Variants in ALK observed in about 807,000 individuals in gnomAD.
ALK encodes the protein ALK receptor tyrosine kinase.
A neutral mutation model predicts 163.1 loss-of-function variants in ALK; 74 were observed. The observed-to-expected ratio is 0.45, with a 90% CI of 0.38 to 0.55. ALK has a LOEUF of 0.55. Among genes scored for constraint, ALK ranks in the 20% least tolerant of loss-of-function variants. The pLI is 0.00. For synonymous variants in ALK, 960 were observed against 843.2 expected (o/e 1.14, Z -2.40); for missense variants, 2,063 against 2,105.3 (o/e 0.98, Z 0.39).
At chr2:29,464,160 C>T (rs1671151235) in intron 4 of ALK, among the ~76,000 whole-genome samples, 4 of 151,954 alleles carry the variant, frequency 2.6e-5, no homozygotes, top group Non-Finnish European at 2.9e-5. Flanking sequence ...TAGTATCTAA[C>T]CAAAAGTTAC....
intron 4 of ALK, among the ~76,000 whole-genome samples, chr2:29,421,326 C>T (rs773554650): frequency 2.0e-5 from 3 of 151,246 alleles, no homozygotes; most frequent in Non-Finnish European, 4.4e-5. Context: ...CTTGAGAGAT[C>T]GGGGTAGAAA....
At chr2:29,320,915 C>T in intron 6 of ALK, 33 bp from the exon 7 acceptor site, 1 of 1,614,030 alleles carries the variant, frequency 6.2e-7, no homozygotes, top group Non-Finnish European at 8.5e-7. Flanking sequence ...CCATCATTTT[C>T]AGGACCACTA....
chr2:29,858,938 C>T (rs532237085), intron 1 of ALK, among the ~76,000 whole-genome samples: 3 of 152,068 alleles, frequency 2.0e-5, no homozygotes, highest in Non-Finnish European at 2.9e-5. Context: ...GAGGCTGAGG[C>T]AGGAGAATTG....
chr2:29,455,035 T>G (rs1670915791), intron 4 of ALK, among the ~76,000 whole-genome samples: 1 of 152,166 alleles, frequency 6.6e-6, no homozygotes, highest in South Asian at 2.1e-4. Context: ...TAGCTCTCTC[T>G]CATTCCGAGC....
At chr2:29,467,306 A>G (rs1671237126) in intron 4 of ALK, among the ~76,000 whole-genome samples, 1 of 151,848 alleles carries the variant, frequency 6.6e-6, no homozygotes, top group Admixed American at 6.6e-5. Flanking sequence ...TTACTAATTT[A>G]TTGTTTAATT....
intron 3 of ALK, among the ~76,000 whole-genome samples, chr2:29,643,110 A>G (rs982438657): frequency 1.3e-5 from 2 of 152,148 alleles, no homozygotes; most frequent in African/African-American, 4.8e-5. Context: ...ATAAAATGGT[A>G]TGGGGGAAAG....
chr2:29,813,214 C>T (rs997769591), intron 1 of ALK, among the ~76,000 whole-genome samples: 14 of 152,286 alleles, frequency 9.2e-5, no homozygotes, highest in Middle Eastern at 3.4e-3. Context: ...GCCAGTATTT[C>T]CTGAGCCCAT....
intron 4 of ALK, among the ~76,000 whole-genome samples, chr2:29,434,399 G>A (rs1004209575): frequency 2.0e-4 from 31 of 152,132 alleles, no homozygotes; most frequent in South Asian, 6.2e-4. Context: ...TGTCTCCTGG[G>A]AATATCAAAT....
chr2:29,822,806 A>G (rs1057006791), intron 1 of ALK, among the ~76,000 whole-genome samples: 1 of 152,218 alleles, frequency 6.6e-6, no homozygotes, highest in African/African-American at 2.4e-5. Context: ...GCAACGAATC[A>G]CTGGACTTCT....
intron 3 of ALK, among the ~76,000 whole-genome samples, chr2:29,674,964 A>AGGT (rs1677829147): frequency 6.8e-6 from 1 of 146,084 alleles, no homozygotes; most frequent in South Asian, 2.2e-4. Context: ...ATTTGCATAG[A>AGGT]GGTGTTTGTA....
At chr2:29,706,041 C>A (rs966258788) in intron 2 of ALK, among the ~76,000 whole-genome samples, 9 of 152,312 alleles carry the variant, frequency 5.9e-5, no homozygotes, top group Admixed American at 2.0e-4. Context: ...AGACCTCCAG[C>A]GAGATGATCT....
chr2:29,825,713 G>T (rs1450325889), intron 1 of ALK, among the ~76,000 whole-genome samples: 10 of 115,874 alleles, frequency 8.6e-5, no homozygotes, highest in African/African-American at 1.8e-4. Flanking sequence ...CATTTTGTGT[G>T]TTTTTTTTTT....
intron 5 of ALK, among the ~76,000 whole-genome samples, chr2:29,343,387 A>AG (rs1335760493): frequency 6.6e-6 from 1 of 150,898 alleles, no homozygotes; most frequent in Non-Finnish European, 1.5e-5. Context: ...TAAAAAAAAA[A>AG]AAAAAAATTT....
chr2:29,432,916 C>A (rs1670307795), intron 4 of ALK, among the ~76,000 whole-genome samples: 1 of 152,170 alleles, frequency 6.6e-6, no homozygotes, highest in Non-Finnish European at 1.5e-5. Context: ...AGCTCTCATA[C>A]TTACTAGCTA....
At chr2:29,742,467 A>G (rs17008589) in intron 1 of ALK, among the ~76,000 whole-genome samples, 9,514 of 152,168 alleles carry the variant, frequency 0.063, 779 homozygotes, top group African/African-American at 0.19. Flanking sequence ...CTGTGGGCCT[A>G]GTTTCTGCAT....
At chr2:29,694,310 T>C (rs940820640) in intron 3 of ALK, among the ~76,000 whole-genome samples, 5 of 152,234 alleles carry the variant, frequency 3.3e-5, no homozygotes, top group Admixed American at 2.0e-4. Context: ...CCTGAGTATT[T>C]ATGAACGGCT....
chr2:29,536,762 T>C lies in ALK; in HGVS notation c.953-4646A>G, dbSNP rs533093813. Among the ~76,000 whole-genome samples the C allele has an allele frequency of 1.4e-3, 209 of 152,270 alleles. 1 individual carries two copies. The highest frequency in any genetic ancestry group is 2.2e-3 in the Non-Finnish European group (153 of 68,006). On this transcript the variant is annotated intron_variant, in intron 3 of 28. Transcript: ENST00000389048. Reference sequence around the variant, plus strand: ...TAAATAGTTTTGACCAAAATGCTGATAGAAATATGGACAGTGAAGACAAAG... The same window carrying C: ...TAAATAGTTTTGACCAAAATGCTGACAGAAATATGGACAGTGAAGACAAAG...
At chr2:29,857,150 T>G (rs954511476) in intron 1 of ALK, among the ~76,000 whole-genome samples, 2 of 152,216 alleles carry the variant, frequency 1.3e-5, no homozygotes, top group East Asian at 3.9e-4. Context: ...TGCAGTACAC[T>G]TTCAGATTTG....
chr2:29,710,503 T>TGTGTGC (rs1399017583), intron 2 of ALK, among the ~76,000 whole-genome samples: 1 of 119,860 alleles, frequency 8.3e-6, no homozygotes, highest in Admixed American at 7.4e-5. Context: ...TGTGTGCGTG[T>TGTGTGC]GTGTGTGTGT....
Sources: gnomAD v4.1 joint callset for allele counts (sites outside exome capture counted in the v4.1 genomes callset) on GRCh38, gnomAD v4.1.1 for gene constraint, MANE v1.5 for transcripts, NCBI Gene and HGNC (gene_info 2026-07-23, HGNC 2026-07-21) for gene names.